RALGPS1: variants seen among roughly 807,000 people sequenced by gnomAD.
RALGPS1 encodes the protein ras-specific guanine nucleotide-releasing factor RalGPS1.
A neutral mutation model predicts 78.8 loss-of-function variants in RALGPS1; 19 were observed. That is an observed-to-expected ratio of 0.24 (90% CI 0.17 to 0.35). The LOEUF (loss-of-function observed/expected upper bound fraction) is 0.35, where lower values mean the gene tolerates loss of function less well. RALGPS1 is among the 10% of genes least tolerant of loss of function. The pLI is 1.00. For missense variants in RALGPS1, 454 were observed against 688.3 expected (o/e 0.66, Z 3.81); for synonymous variants, 228 against 256.3 (o/e 0.89, Z 1.06).
intron 11 of RALGPS1, among the ~76,000 whole-genome samples, chr9:127,182,077 C>T (rs1413813534): frequency 6.6e-6 from 1 of 151,680 alleles, no homozygotes; most frequent in African/African-American, 2.4e-5. Context: ...GTGGTTCATG[C>T]CTGTAATCCT....
intron 1 of RALGPS1, among the ~76,000 whole-genome samples, chr9:126,945,122 C>T (rs2037137023): frequency 6.6e-6 from 1 of 152,180 alleles, no homozygotes; most frequent in Non-Finnish European, 1.5e-5. Context: ...CCACTGTACT[C>T]CTTCCTCCAG....
intron 8 of RALGPS1, among the ~76,000 whole-genome samples, chr9:127,158,687 T>G (rs1459088455): frequency 6.6e-6 from 1 of 152,134 alleles, no homozygotes; most frequent in East Asian, 1.9e-4. Context: ...CTTTTTTTTC[T>G]AGTTCTATAT....
chr9:127,137,928 T>C (rs2057513054), intron 8 of RALGPS1, among the ~76,000 whole-genome samples: 1 of 152,188 alleles, frequency 6.6e-6, no homozygotes, highest in African/African-American at 2.4e-5. Flanking sequence ...AGGGAGATAA[T>C]ACATGTTGAG....
intron 14 of RALGPS1, among the ~76,000 whole-genome samples, chr9:127,200,808 G>T (rs1190286814): frequency 2.0e-5 from 3 of 152,236 alleles, no homozygotes; most frequent in African/African-American, 7.2e-5. Flanking sequence ...ATAGCTTACA[G>T]GCAGGCCAGC....
At chr9:126,969,521 A>G (rs2039892011) in intron 3 of RALGPS1, among the ~76,000 whole-genome samples, 1 of 152,240 alleles carries the variant, frequency 6.6e-6, no homozygotes, top group Non-Finnish European at 1.5e-5. Flanking sequence ...ACTCTTAGCC[A>G]CAAAGCTGTA....
intron 1 of RALGPS1, among the ~76,000 whole-genome samples, chr9:126,959,311 T>C (rs904112567): frequency 2.6e-5 from 4 of 152,130 alleles, no homozygotes; most frequent in Non-Finnish European, 4.4e-5. Context: ...GTCTGCCCAC[T>C]TTGGCCTCCC....
chr9:126,994,367 G>T (rs532266040), intron 4 of RALGPS1, among the ~76,000 whole-genome samples: 3 of 152,204 alleles, frequency 2.0e-5, no homozygotes, highest in Non-Finnish European at 4.4e-5. Context: ...CAAGGCACGA[G>T]AGCTACGTGA....
At chr9:127,202,766 G>A (rs948953726) in intron 14 of RALGPS1, among the ~76,000 whole-genome samples, 1 of 152,310 alleles carries the variant, frequency 6.6e-6, no homozygotes, top group African/African-American at 2.4e-5. Context: ...GGGCAGGGGT[G>A]GGCCTGCTCT....
At chr9:126,919,310 C>T (rs2119511930) in intron 1 of RALGPS1, among the ~76,000 whole-genome samples, 2 of 152,264 alleles carry the variant, frequency 1.3e-5, no homozygotes, top group South Asian at 4.2e-4. Context: ...GGTTAGCAGT[C>T]ATTGTTTAGA....
At chr9:127,187,757 G>A (rs973983585) in intron 11 of RALGPS1, among the ~76,000 whole-genome samples, 1 of 152,172 alleles carries the variant, frequency 6.6e-6, no homozygotes, top group Non-Finnish European at 1.5e-5. Context: ...TTTGTTTCTT[G>A]AGCAATATGT....
intron 8 of RALGPS1, among the ~76,000 whole-genome samples, chr9:127,148,078 AC>A (rs2058201598): frequency 6.6e-6 from 1 of 152,262 alleles, no homozygotes; most frequent in Admixed American, 6.5e-5. Context: ...AATTGGTAGC[AC>A]TACTGATATA....
intron 4 of RALGPS1, among the ~76,000 whole-genome samples, chr9:127,022,575 C>T (rs536886085): frequency 7.2e-5 from 11 of 152,210 alleles, no homozygotes; most frequent in African/African-American, 2.6e-4. Context: ...TGGCCTCCCA[C>T]CCCTGTCCTG....
chr9:127,210,815 T>TAACA, intron 14 of RALGPS1: 4 of 1,507,642 alleles, frequency 2.7e-6, no homozygotes, highest in Non-Finnish European at 3.6e-6. Context: ...GTTTGACACA[T>TAACA]AGCTTGTTAT....
At chr9:127,050,170 T>G (rs1334544523) in intron 6 of RALGPS1, 38 bp downstream of exon 6, 1 of 1,494,122 alleles carries the variant, frequency 6.7e-7, no homozygotes, top group South Asian at 1.1e-5. Context: ...CCTTTCCCTC[T>G]TCTCTCCCAC....
At chr9:126,975,403 G>A (rs62578946) in intron 3 of RALGPS1, among the ~76,000 whole-genome samples, 4,204 of 152,250 alleles carry the variant, frequency 0.028, 52 homozygotes, top group Middle Eastern at 0.048. Context: ...GTGGCAGGAT[G>A]GAAAGGAAGT....
In RALGPS1 at chr9:127,011,001, C is replaced by T. The variant is rs770772337; in HGVS notation, c.217-23430C>T. ...GGGTCTTTTGGGTTCTGTGGAGGCT[C>T]CCCGAGACCTCCTCTGGGGTGGAAG... On this transcript the variant is annotated intron_variant, in intron 4 of 18. Transcript: ENST00000259351. 1.9e-4 allele frequency among the ~76,000 whole-genome samples: 29 copies of T among 152,080 alleles called. 1 individual carries two copies. The highest frequency in any genetic ancestry group is 6.5e-5 in the Admixed American group (1 of 15,276).
intron 11 of RALGPS1, among the ~76,000 whole-genome samples, chr9:127,189,256 C>T (rs1000015196): frequency 2.6e-5 from 4 of 152,144 alleles, no homozygotes; most frequent in African/African-American, 9.7e-5. Context: ...AGAGATTGTC[C>T]TCAAATGCTT....
chr9:127,159,388 C>G (rs1053909698), intron 8 of RALGPS1, among the ~76,000 whole-genome samples: 2 of 152,184 alleles, frequency 1.3e-5, no homozygotes, highest in African/African-American at 4.8e-5. Context: ...GACAGCAGGA[C>G]TTTGCCCACG....
At position 127,091,627 on chromosome 9, in the gene RALGPS1, C is replaced by CT; in HGVS notation, c.610+22275dup. On this transcript the variant is annotated intron_variant, in intron 8 of 18. Coordinates refer to ENST00000259351, the MANE Select transcript of RALGPS1 (RefSeq NM_014636.3). The surrounding 1 kb of genome is among the most constrained non-coding windows in gnomAD (Gnocchi z 4.3). ...CAGGGGCTCTGGCTCTGGTTGACCT[C>CT]TTTTCCCTACCCTGCACCTGGGTTT... 1 of 1,592,370 alleles carries CT rather than the reference C, an allele frequency of 6.3e-7. No individual in the cohort carries two copies. Among genetic ancestry groups the CT allele is most frequent in the East Asian group, 2.2e-5 (1 of 44,594 alleles).
Sources: gnomAD v4.1 joint callset for allele counts (sites outside exome capture counted in the v4.1 genomes callset) on GRCh38, gnomAD v4.1.1 for gene constraint, Gnocchi (gnomAD v3.1) non-coding constraint, MANE v1.5 for transcripts, NCBI Gene and HGNC (gene_info 2026-07-23, HGNC 2026-07-21) for gene names.